Variants in DSCAM observed in about 807,000 individuals in gnomAD.
The protein encoded by DSCAM is cell adhesion molecule DSCAM.
Under a neutral mutation model 217.7 loss-of-function variants are expected in DSCAM, and 47 were observed. The ratio of observed to expected loss-of-function variants is 0.22; its 90% confidence interval spans 0.17 to 0.28. The LOEUF (loss-of-function observed/expected upper bound fraction) is 0.28. DSCAM is among the 10% of genes least tolerant of loss of function. The pLI is 1.00. For missense variants in DSCAM, 2,080 were observed against 2,618.3 expected, an observed-to-expected ratio of 0.79 and a Z score of 4.49; for synonymous variants, 1,056 against 1,015.3, an observed-to-expected ratio of 1.04 and a Z score of -0.76.
chr21:40,177,078 G>C (rs1233478990), intron 15 of DSCAM, among the ~76,000 whole-genome samples: 1 of 152,244 alleles, frequency 6.6e-6, no homozygotes, highest in African/African-American at 2.4e-5. Context: ...AGATTGAGCA[G>C]GAAGTCAGAG....
intron 3 of DSCAM, among the ~76,000 whole-genome samples, chr21:40,631,461 T>C (rs988095315): frequency 2.0e-5 from 3 of 152,116 alleles, no homozygotes; most frequent in African/African-American, 7.2e-5. Flanking sequence ...TGGTTTTGGG[T>C]GGGATTCTGG....
intron 1 of DSCAM, among the ~76,000 whole-genome samples, chr21:40,811,951 G>T (rs78333668): frequency 2.9e-3 from 441 of 152,248 alleles, no homozygotes; most frequent in African/African-American, 9.8e-3. Flanking sequence ...TCCAATTGAG[G>T]CATCCTTGCT....
intron 3 of DSCAM, among the ~76,000 whole-genome samples, chr21:40,419,417 G>A (rs2075402396): frequency 6.6e-6 from 1 of 152,034 alleles, no homozygotes; most frequent in Non-Finnish European, 1.5e-5. Flanking sequence ...TGAAATATAG[G>A]GGTAAAGAAA....
At chr21:40,048,567 G>C (rs1325203908) in intron 30 of DSCAM, among the ~76,000 whole-genome samples, 3 of 152,142 alleles carry the variant, frequency 2.0e-5, no homozygotes, top group Non-Finnish European at 4.4e-5. Flanking sequence ...AAAATGCCTA[G>C]AAACATAACT....
intron 20 of DSCAM, among the ~76,000 whole-genome samples, chr21:40,114,059 C>A (rs1487761931): frequency 6.6e-6 from 1 of 151,772 alleles, no homozygotes; most frequent in Non-Finnish European, 1.5e-5. Flanking sequence ...TTGGAAAAAA[C>A]TACTTTAAAG....
At chr21:40,788,820 G>T (rs1005575540) in intron 1 of DSCAM, among the ~76,000 whole-genome samples, 2 of 152,162 alleles carry the variant, frequency 1.3e-5, no homozygotes, top group African/African-American at 4.8e-5. Context: ...ACTTAAACCA[G>T]ATTATTGCAA....
intron 6 of DSCAM, among the ~76,000 whole-genome samples, chr21:40,345,265 T>C (rs7282415): frequency 6.6e-6 from 1 of 152,194 alleles, no homozygotes; most frequent in African/African-American, 2.4e-5. Context: ...CTTTGTCTTT[T>C]GTCCTTTGGG....
At chr21:40,175,809 G>GCACGCA (rs1186734654) in intron 15 of DSCAM, among the ~76,000 whole-genome samples, 27 of 80,538 alleles carry the variant, frequency 3.4e-4, no homozygotes, top group African/African-American at 1.2e-3. Context: ...ACACACACAC[G>GCACGCA]CACACACACA....
At chr21:40,302,188 A>C (rs2074024640) in intron 9 of DSCAM, among the ~76,000 whole-genome samples, 1 of 152,088 alleles carries the variant, frequency 6.6e-6, no homozygotes. Flanking sequence ...AGATCATGAT[A>C]TGGTTTGGTA....
At chr21:40,252,047 G>A (rs2073311946) in intron 11 of DSCAM, among the ~76,000 whole-genome samples, 1 of 152,134 alleles carries the variant, frequency 6.6e-6, no homozygotes. Context: ...CTTCAGATGA[G>A]ACCTAAGCCA....
chr21:40,197,641 C>G (rs2091026874), intron 11 of DSCAM, among the ~76,000 whole-genome samples: 1 of 152,184 alleles, frequency 6.6e-6, no homozygotes, highest in South Asian at 2.1e-4. Context: ...CTTCTCTTTC[C>G]TCCTTCCTTC....
At chr21:40,568,564 T>C (rs1225116852) in intron 3 of DSCAM, among the ~76,000 whole-genome samples, 1 of 152,164 alleles carries the variant, frequency 6.6e-6, no homozygotes, top group Non-Finnish European at 1.5e-5. Context: ...TAAAATGATA[T>C]TTTCTTCCTC....
At chr21:40,802,103 G>A (rs1182717513) in intron 1 of DSCAM, among the ~76,000 whole-genome samples, 1 of 152,084 alleles carries the variant, frequency 6.6e-6, no homozygotes, top group Non-Finnish European at 1.5e-5. Context: ...GTAGCTGCAT[G>A]GGCTACACCA....
chr21:40,362,829 T>A (rs2123680026), intron 4 of DSCAM, among the ~76,000 whole-genome samples: 1 of 152,326 alleles, frequency 6.6e-6, no homozygotes, highest in South Asian at 2.1e-4. Flanking sequence ...CATATGTAAG[T>A]ATATATGTAC....
At chr21:40,200,445 C>T (rs546322583) in intron 11 of DSCAM, among the ~76,000 whole-genome samples, 1 of 152,170 alleles carries the variant, frequency 6.6e-6, no homozygotes, top group Non-Finnish European at 1.5e-5. Flanking sequence ...GCATAATCTC[C>T]TCAAGGTTCA....
chr21:40,036,176 T>G (rs919922338), intron 32 of DSCAM, among the ~76,000 whole-genome samples: 4 of 138,994 alleles, frequency 2.9e-5, no homozygotes, highest in African/African-American at 1.1e-4. Context: ...AGAGCAGAAC[T>G]GAAGGAAATA....
At chr21:40,150,212 G>C (rs1405536302) in intron 16 of DSCAM, among the ~76,000 whole-genome samples, 1 of 152,172 alleles carries the variant, frequency 6.6e-6, no homozygotes, top group Admixed American at 6.5e-5. Flanking sequence ...CTCCAAAGTT[G>C]TATTTGGTAT....
At chr21:40,326,821 C>T (rs1193486905) in intron 8 of DSCAM, among the ~76,000 whole-genome samples, 5 of 151,934 alleles carry the variant, frequency 3.3e-5, no homozygotes, top group Non-Finnish European at 4.4e-5. Context: ...GAACTTCAAG[C>T]TGATTTATAG....
chr21:40,388,396 T>C lies in DSCAM; in HGVS notation c.509-19151A>G, dbSNP rs941458221. ...AGGGAGATCACAGCAGATGGTATCATGAAGTCCTGTGTTTCTCGGTATGAG... is the reference window on the plus strand; with the variant it reads ...AGGGAGATCACAGCAGATGGTATCACGAAGTCCTGTGTTTCTCGGTATGAG... On this transcript the variant is annotated intron_variant, in intron 3 of 32. Transcript: ENST00000400454. 3.3e-5 allele frequency among the ~76,000 whole-genome samples: 5 copies of C among 152,340 alleles called. No homozygotes were observed. The East Asian group carries it at 5.8e-4, about 18-fold the overall frequency.
Sources: gnomAD v4.1 joint callset for allele counts (sites outside exome capture counted in the v4.1 genomes callset) on GRCh38, gnomAD v4.1.1 for gene constraint, MANE v1.5 for transcripts, NCBI Gene and HGNC (gene_info 2026-07-23, HGNC 2026-07-21) for gene names.